Variants in SV2C observed in about 807,000 individuals in gnomAD.
SV2C encodes the protein solute carrier family 22 member B3.
SV2C carries 49 observed loss-of-function variants against 79.7 expected under a neutral mutation model. The observed-to-expected ratio is 0.61, with a 90% CI of 0.49 to 0.78. The LOEUF is 0.78. SV2C is among the 30% of genes least tolerant of loss of function. The pLI is 0.00. For synonymous variants in SV2C, 334 were observed against 333.2 expected (o/e 1.00, Z -0.03); for missense variants, 833 against 912.9 (o/e 0.91, Z 1.13).
chr5:75,852,825 C>CAAAAAAAAAAA, the SV2C span, among the ~76,000 whole-genome samples: 7 of 81,152 alleles, frequency 8.6e-5, no homozygotes, highest in African/African-American at 2.1e-4. Flanking sequence ...GACTCCGTCT[C>CAAAAAAAAAAA]AAAAAAAAAA....
intron 12 of SV2C, among the ~76,000 whole-genome samples, chr5:76,350,772 T>C (rs910352836): frequency 2.0e-5 from 3 of 152,178 alleles, no homozygotes; most frequent in Admixed American, 2.0e-4. Context: ...TCCCAGCACT[T>C]TGGGAGGCCG....
At chr5:75,979,686 G>A in the SV2C span, among the ~76,000 whole-genome samples, 17,708 of 151,778 alleles carry the variant, frequency 0.12, 2,982 homozygotes, top group African/African-American at 0.37. Context: ...TAATGAGAAC[G>A]AAGATACAAC....
chr5:76,040,444 C>G, the SV2C span, among the ~76,000 whole-genome samples: 1 of 152,290 alleles, frequency 6.6e-6, no homozygotes, highest in African/African-American at 2.4e-5. Context: ...ACAGACAATG[C>G]CTTTGATACC....
chr5:76,241,184 T>C (rs1248009518), intron 4 of SV2C, among the ~76,000 whole-genome samples: 2 of 71,982 alleles, frequency 2.8e-5, no homozygotes, highest in Admixed American at 1.6e-4. Context: ...CTCAATCTCT[T>C]TTTTTTTTTT....
At chr5:76,255,740 G>GC (rs1228888272) in intron 4 of SV2C, among the ~76,000 whole-genome samples, 3 of 152,008 alleles carry the variant, frequency 2.0e-5, no homozygotes, top group Non-Finnish European at 4.4e-5. Flanking sequence ...CACCTTATGC[G>GC]CCCCCCTCAC....
At chr5:75,954,233 G>A in the SV2C span, among the ~76,000 whole-genome samples, 2 of 151,902 alleles carry the variant, frequency 1.3e-5, no homozygotes, top group East Asian at 3.9e-4. Context: ...AAAGGACTAT[G>A]GAGTTGCACT....
At chr5:76,214,226 G>A (rs73113791) in intron 4 of SV2C, among the ~76,000 whole-genome samples, 5,793 of 152,160 alleles carry the variant, frequency 0.038, 354 homozygotes, top group African/African-American at 0.13. Flanking sequence ...GCAAAAGGAG[G>A]TTCCAATTTC....
chr5:76,100,735 T>C (rs1352894420), intron 1 of SV2C, among the ~76,000 whole-genome samples: 1 of 152,148 alleles, frequency 6.6e-6, no homozygotes, highest in Non-Finnish European at 1.5e-5. Flanking sequence ...CAGAACTCCA[T>C]GGTGGTTTGA....
the SV2C span, among the ~76,000 whole-genome samples, chr5:75,889,817 A>G: frequency 6.6e-6 from 1 of 152,036 alleles, no homozygotes; most frequent in Non-Finnish European, 1.5e-5. Context: ...ACAGAAAAGG[A>G]AAGGAAGCTT....
chr5:75,970,472 TA>T, the SV2C span, among the ~76,000 whole-genome samples: 1 of 151,652 alleles, frequency 6.6e-6, no homozygotes, highest in Admixed American at 6.6e-5. Context: ...ATAGACGCAA[TA>T]AAAAATGACA....
the SV2C span, among the ~76,000 whole-genome samples, chr5:76,027,455 GTTCT>G: frequency 1.3e-5 from 2 of 150,992 alleles, no homozygotes; most frequent in Non-Finnish European, 1.5e-5. Flanking sequence ...GAAAGCAGTT[GTTCT>G]TTCTGTTATT....
the SV2C span, among the ~76,000 whole-genome samples, chr5:75,888,591 C>G: frequency 2.6e-5 from 4 of 152,058 alleles, no homozygotes; most frequent in African/African-American, 7.2e-5. Context: ...GCCTTTAGGT[C>G]TCAACTTAAC....
intron 4 of SV2C, among the ~76,000 whole-genome samples, chr5:76,243,009 A>T (rs1331006247): frequency 1.3e-5 from 1 of 75,078 alleles, no homozygotes; most frequent in Non-Finnish European, 2.4e-5. Flanking sequence ...TCGAGACCCC[A>T]TCTAAAAAAA....
At chr5:75,900,567 T>C in the SV2C span, among the ~76,000 whole-genome samples, 3 of 152,146 alleles carry the variant, frequency 2.0e-5, no homozygotes, top group Non-Finnish European at 2.9e-5. Flanking sequence ...TCGAGGAGTA[T>C]CTTTGTGGCA....
the SV2C span, among the ~76,000 whole-genome samples, chr5:76,052,777 A>C: frequency 6.6e-6 from 1 of 152,204 alleles, no homozygotes; most frequent in Non-Finnish European, 1.5e-5. Flanking sequence ...TCTTTCAACA[A>C]AGCAACTCTG....
chr5:75,865,647 C>T, the SV2C span, among the ~76,000 whole-genome samples: 1 of 152,202 alleles, frequency 6.6e-6, no homozygotes, highest in Admixed American at 6.5e-5. Flanking sequence ...GCCTTGCCAA[C>T]TGTTCAGGAG....
the SV2C span, among the ~76,000 whole-genome samples, chr5:75,860,056 T>C: frequency 6.6e-6 from 1 of 152,234 alleles, no homozygotes; most frequent in East Asian, 1.9e-4. Flanking sequence ...AACTCCTTTG[T>C]CTCTGCTGGA....
chr5:76,092,415 A>T (rs1747406965), intron 1 of SV2C, among the ~76,000 whole-genome samples: 1 of 152,174 alleles, frequency 6.6e-6, no homozygotes, highest in Admixed American at 6.5e-5. Flanking sequence ...AGGTGAGGTC[A>T]TCTAAGTTGT....
chr5:76,276,606 GCATGAGCTACAGT>G (rs775481301), intron 4 of SV2C, among the ~76,000 whole-genome samples: 2 of 123,422 alleles, frequency 1.6e-5, no homozygotes, highest in Non-Finnish European at 3.5e-5. Flanking sequence ...GGAATTACAG[GCATGAGCTACAGT>G]ACCTGGCCTT....
Sources: gnomAD v4.1 joint callset for allele counts (sites outside exome capture counted in the v4.1 genomes callset) on GRCh38, gnomAD v4.1.1 for gene constraint, MANE v1.5 for transcripts, NCBI Gene and HGNC (gene_info 2026-07-23, HGNC 2026-07-21) for gene names.